ZRANB1: variants seen among roughly 807,000 people sequenced by gnomAD.
ZRANB1 encodes the protein zinc finger RANBP2-type containing 1.
A neutral mutation model predicts 80.5 loss-of-function variants in ZRANB1; 16 were observed. That is an observed-to-expected ratio of 0.20 (90% CI 0.13 to 0.30). ZRANB1 has a LOEUF of 0.30. ZRANB1 is among the 10% of genes least tolerant of loss of function. The pLI is 1.00. For missense variants in ZRANB1, 576 were observed against 862.6 expected, an observed-to-expected ratio of 0.67 and a Z score of 4.16; for synonymous variants, 291 against 293.1, an observed-to-expected ratio of 0.99 and a Z score of 0.07.
chr10:124,957,480 G>T (rs1430606408), intron 1 of ZRANB1, among the ~76,000 whole-genome samples: 1 of 151,836 alleles, frequency 6.6e-6, no homozygotes, highest in Non-Finnish European at 1.5e-5. Context: ...TCTTATTGTT[G>T]TGTAACCATT....
chr10:124,971,614 T>G (rs1249293527), intron 2 of ZRANB1, among the ~76,000 whole-genome samples: 1 of 152,218 alleles, frequency 6.6e-6, no homozygotes, highest in Non-Finnish European at 1.5e-5. Context: ...AATGTTTTTA[T>G]TGTGTGCACG....
rs1295987359 is a variant in ZRANB1, at chr10:124,974,504, GGA to G, written c.1427+108_1427+109del. The G allele has an allele frequency of 5.3e-5, 63 of 1,198,736 alleles. No homozygotes were observed. The African/African-American group carries it at 7.3e-4, about 14-fold the overall frequency. The allele number at this position is 1,198,736 out of a possible 1,614,324, so 74.3% of individuals were successfully genotyped here. ...GTCAGTTATATTTTCTATGGAAACT[GGA>G]GGAAAAACAGTTCATTTTGGACATT... On this transcript the variant is annotated intron_variant, in intron 5 of 8. Coordinates refer to ENST00000359653, the MANE Select transcript of ZRANB1 (RefSeq NM_017580.3).
rs891040219 is a variant in ZRANB1 at position 124,966,532 on chromosome 10, C to G, written c.815-62C>G. The G allele has an allele frequency of 3.9e-6, 6 of 1,522,382 alleles. No homozygotes were observed. The African/African-American group carries it at 8.2e-5, about 21-fold the overall frequency. The allele number at this position is 1,522,382 out of a possible 1,614,324, so 94.3% of individuals were successfully genotyped here. ...TTAAAAGATTTTGGAGTGATTGCTACGGTTTGTGTTTTTTGAAGAAAATGA... is the reference window on the plus strand; with the variant it reads ...TTAAAAGATTTTGGAGTGATTGCTAGGGTTTGTGTTTTTTGAAGAAAATGA... On this transcript the variant is annotated intron_variant, in intron 1 of 8. Transcript: ENST00000359653.
In ZRANB1 at chr10:124,984,837, G is replaced by A. The variant is rs752883452; in HGVS notation, c.1972G>A (p.Gly658Arg). 1.2e-6 allele frequency: 2 copies of A among 1,613,996 alleles called. No individual in the cohort carries two copies. The highest frequency in any genetic ancestry group is 1.7e-5 in the Admixed American group (1 of 59,994). The change falls in exon 9 of 9, where the codon GGG becomes AGG. Residue 658 changes from glycine to arginine, a missense_variant. Transcript: ENST00000359653. ...REWLDCCVTE[G>R]GVLVAMQKSS... is the part of the protein sequence containing the mutation. The stretch of plus-strand genomic sequence containing the variant: ...GTGGCTGGACTGCTGTGTGACGGAG[G>A]GGGGAGTTCTGGTTGCCATGCAGAA...
rs1481564788 is a variant in ZRANB1, at chr10:124,987,652, G to GTGTT, written c.*2661_*2664dup. On this transcript the variant is annotated 3_prime_UTR_variant, in exon 9 of 9. Coordinates refer to ENST00000359653, the MANE Select transcript of ZRANB1 (RefSeq NM_017580.3). ...GCGCCGTCTCTCTCCATGTGAGCTT[G>GTGTT]TGTTAATAGACACTTTTATGGTAGA... 3 of 152,264 alleles carry GTGTT rather than the reference G, an allele frequency of 2.0e-5. No homozygotes were observed. The highest frequency in any genetic ancestry group is 6.5e-5 in the Admixed American group (1 of 15,288). The allele number at this position is 152,264 out of a possible 1,614,324, so 9.4% of individuals were successfully genotyped here.
Position 124,987,376 on chromosome 10 carries a change from A to ATT in ZRANB1, c.*2385_*2386insTT, listed in dbSNP as rs1286216292. The ATT allele has an allele frequency of 6.6e-6, 1 of 151,718 alleles. No homozygotes were observed. The highest frequency in any genetic ancestry group is 2.4e-5 in the African/African-American group (1 of 41,300). 9.4% of individuals were successfully genotyped at this position (151,718 alleles called of 1,614,324 possible). The stretch of plus-strand genomic sequence containing the variant: ...TGGGGTCAAATTTATATATATATAT[A>ATT]TAAATTTTTGTTTGGGCGACCAAGA... On this transcript the variant is annotated 3_prime_UTR_variant, in exon 9 of 9. Transcript: ENST00000359653.
intron 1 of ZRANB1, among the ~76,000 whole-genome samples, chr10:124,963,979 G>T (rs879488449): frequency 6.6e-6 from 1 of 152,102 alleles, no homozygotes; most frequent in Non-Finnish European, 1.5e-5. Flanking sequence ...GGAGAATTTC[G>T]TGCTGTCAAA....
chr10:124,954,839 C>T (rs574303795), intron 1 of ZRANB1, among the ~76,000 whole-genome samples: 6 of 151,266 alleles, frequency 4.0e-5, no homozygotes, highest in African/African-American at 4.8e-5. Context: ...ACTTTAAAAC[C>T]GTCTAATTGG....
At chr10:124,954,140 GTTTTTTTTTT>G (rs55962412) in intron 1 of ZRANB1, among the ~76,000 whole-genome samples, 3 of 52,510 alleles carry the variant, frequency 5.7e-5, no homozygotes, top group African/African-American at 8.4e-5. Context: ...GCTAATTCCT[GTTTTTTTTTT>G]TTTTTTTTTT....
chr10:124,958,067 T>C (rs561272510), intron 1 of ZRANB1, among the ~76,000 whole-genome samples: 2 of 152,372 alleles, frequency 1.3e-5, no homozygotes, highest in East Asian at 3.9e-4. Flanking sequence ...TAATATTTCA[T>C]TGTATGTGTA....
chr10:124,965,446 T>C (rs1460501185), intron 1 of ZRANB1, among the ~76,000 whole-genome samples: 1 of 152,222 alleles, frequency 6.6e-6, no homozygotes, highest in Non-Finnish European at 1.5e-5. Context: ...GGCGTTCCTG[T>C]ATATGATGAG....
At chr10:124,947,092 G>C (rs187071980) in intron 1 of ZRANB1, among the ~76,000 whole-genome samples, 8 of 152,290 alleles carry the variant, frequency 5.3e-5, no homozygotes, top group Non-Finnish European at 8.8e-5. Context: ...CAGCAGTATC[G>C]AGCAAACATA....
In ZRANB1 at chr10:124,987,036, G is replaced by A. The variant is rs1306690169; in HGVS notation, c.*2044G>A. 6.6e-6 allele frequency: 1 copy of A among 152,530 alleles called. No individual in the cohort carries two copies. The allele number at this position is 152,530 out of a possible 1,614,324, so 9.4% of individuals were successfully genotyped here. On this transcript the variant is annotated 3_prime_UTR_variant, in exon 9 of 9. Transcript: ENST00000359653. Reference sequence around the variant, plus strand: ...TGATAGGTGCAGCATTCTTCCCTGTGGGAAAGAATTAAAGATGGTTCCATT... The same window carrying A: ...TGATAGGTGCAGCATTCTTCCCTGTAGGAAAGAATTAAAGATGGTTCCATT...
At chr10:124,952,284 C>T (rs983857778) in intron 1 of ZRANB1, among the ~76,000 whole-genome samples, 4 of 152,148 alleles carry the variant, frequency 2.6e-5, no homozygotes, top group Admixed American at 6.5e-5. Context: ...TAATCACAAG[C>T]GTCCTTGTAA....
At chr10:124,933,283 C>T in the ZRANB1 span, among the ~76,000 whole-genome samples, 11 of 151,758 alleles carry the variant, frequency 7.2e-5, no homozygotes, top group South Asian at 8.3e-4. Context: ...GTTACAGGTG[C>T]GCGCCACCAT....
chr10:124,968,764 A>G (rs1026415405), intron 2 of ZRANB1, among the ~76,000 whole-genome samples: 5 of 152,146 alleles, frequency 3.3e-5, no homozygotes, highest in African/African-American at 1.2e-4. Flanking sequence ...GATTATTACA[A>G]GGTTTTAGAG....
intron 1 of ZRANB1, 116 bp from the exon 2 acceptor site, chr10:124,966,478 A>G (rs996785037): frequency 1.7e-5 from 17 of 1,005,662 alleles, no homozygotes; most frequent in Non-Finnish European, 8.9e-6. Flanking sequence ...TAAATGATGC[A>G]TCAGGATCCA....
intron 1 of ZRANB1, among the ~76,000 whole-genome samples, chr10:124,947,834 T>A (rs1486107219): frequency 6.6e-6 from 1 of 152,162 alleles, no homozygotes; most frequent in Admixed American, 6.5e-5. Context: ...TTCTCACTAT[T>A]CTTGTCCAAA....
At chr10:124,966,211 T>C (rs1448924627) in intron 1 of ZRANB1, among the ~76,000 whole-genome samples, 1 of 152,162 alleles carries the variant, frequency 6.6e-6, no homozygotes, top group Non-Finnish European at 1.5e-5. Flanking sequence ...AGCACATCCC[T>C]GTCTCCTTGG....
Sources: allele counts gnomAD v4.1 joint callset (sites outside exome capture counted in the v4.1 genomes callset), GRCh38; gene constraint gnomAD v4.1.1; transcripts MANE v1.5; gene names NCBI Gene and HGNC (gene_info 2026-07-23, HGNC 2026-07-21).